DPP10: variants seen among roughly 807,000 people sequenced by gnomAD.
DPP10 encodes the protein dipeptidyl peptidase like 10.
In DPP10, 33 loss-of-function variants were observed where a neutral mutation model predicts 120.9. The observed-to-expected ratio is 0.27, with a 90% CI of 0.21 to 0.37. The LOEUF (loss-of-function observed/expected upper bound fraction) is 0.37, where lower values mean the gene tolerates loss of function less well. DPP10 is among the 10% of genes least tolerant of loss of function. DPP10 has a pLI of 1.00. For missense variants in DPP10, 816 were observed against 942.8 expected (o/e 0.87, Z 1.76); for synonymous variants, 337 against 326.1 (o/e 1.03, Z -0.36).
At chr2:114,873,918 C>A (rs1283741534) in intron 1 of DPP10, among the ~76,000 whole-genome samples, 2 of 152,114 alleles carry the variant, frequency 1.3e-5, no homozygotes, top group African/African-American at 4.8e-5. Flanking sequence ...GAATGGGATA[C>A]AAAACTTGCT....
At chr2:115,205,209 A>AT (rs1283184988) in intron 1 of DPP10, among the ~76,000 whole-genome samples, 1 of 152,066 alleles carries the variant, frequency 6.6e-6, no homozygotes, top group Non-Finnish European at 1.5e-5. Flanking sequence ...TTCTTCTATA[A>AT]TTTTTGTAGT....
chr2:115,224,748 A>G (rs1248201701), intron 1 of DPP10, among the ~76,000 whole-genome samples: 1 of 152,216 alleles, frequency 6.6e-6, no homozygotes, highest in Non-Finnish European at 1.5e-5. Context: ...TACAAGGTAT[A>G]TTTATTTTTT....
intron 1 of DPP10, among the ~76,000 whole-genome samples, chr2:114,897,864 A>C: frequency 4.6e-5 from 7 of 151,578 alleles, no homozygotes; most frequent in Non-Finnish European, 5.9e-5. Context: ...GCTGGAGAGG[A>C]TGTGGAGAAA....
intron 2 of DPP10, among the ~76,000 whole-genome samples, chr2:115,330,618 G>A (rs1317800845): frequency 6.6e-6 from 1 of 151,996 alleles, no homozygotes; most frequent in Non-Finnish European, 1.5e-5. Flanking sequence ...TGTATAAGGT[G>A]TAAGGAAGGG....
chr2:115,420,878 G>A (rs1175376685), intron 3 of DPP10, among the ~76,000 whole-genome samples: 1 of 152,112 alleles, frequency 6.6e-6, no homozygotes, highest in Non-Finnish European at 1.5e-5. Flanking sequence ...CAGATACTCA[G>A]AAAAATATCC....
At chr2:115,270,499 A>G (rs894197121) in intron 1 of DPP10, among the ~76,000 whole-genome samples, 1 of 152,136 alleles carries the variant, frequency 6.6e-6, no homozygotes, top group Non-Finnish European at 1.5e-5. Flanking sequence ...GACAACACAC[A>G]TGAAGAGGGG....
intron 21 of DPP10, among the ~76,000 whole-genome samples, chr2:115,816,258 A>G (rs1046819827): frequency 6.6e-5 from 10 of 152,228 alleles, no homozygotes; most frequent in Admixed American, 1.3e-4. Context: ...AAACTGATAC[A>G]TAAAAGCTAA....
intron 1 of DPP10, among the ~76,000 whole-genome samples, chr2:114,990,032 G>A (rs1007757454): frequency 2.6e-5 from 4 of 152,112 alleles, no homozygotes; most frequent in Non-Finnish European, 5.9e-5. Context: ...CCTGATATTT[G>A]TTTCCTTGTA....
intron 1 of DPP10, among the ~76,000 whole-genome samples, chr2:114,763,369 T>A (rs554798054): frequency 5.3e-5 from 8 of 152,328 alleles, no homozygotes; most frequent in African/African-American, 1.9e-4. Flanking sequence ...CTTATGGCCT[T>A]CAGCGGGCGC....
intron 3 of DPP10, among the ~76,000 whole-genome samples, chr2:115,399,457 A>C (rs998619946): frequency 1.3e-5 from 2 of 152,148 alleles, no homozygotes; most frequent in Non-Finnish European, 2.9e-5. Flanking sequence ...ATTTCAAAAT[A>C]TTCTCTGCTT....
At chr2:115,327,702 A>C (rs965790002) in intron 2 of DPP10, among the ~76,000 whole-genome samples, 2 of 152,082 alleles carry the variant, frequency 1.3e-5, no homozygotes, top group African/African-American at 4.8e-5. Flanking sequence ...TGAGATAACC[A>C]TCATATTTCG....
At chr2:114,699,161 T>C (rs1700239656) in intron 1 of DPP10, among the ~76,000 whole-genome samples, 1 of 152,134 alleles carries the variant, frequency 6.6e-6, no homozygotes, top group Non-Finnish European at 1.5e-5. Flanking sequence ...CGTTAAGTAA[T>C]TGTCTTGCAG....
chr2:115,105,557 G>A (rs1404656169), intron 1 of DPP10, among the ~76,000 whole-genome samples: 1 of 152,120 alleles, frequency 6.6e-6, no homozygotes, highest in Non-Finnish European at 1.5e-5. Context: ...TCATTCATGA[G>A]GAGTCTGCCC....
chr2:115,781,736 G>T (rs1682783784), intron 16 of DPP10, among the ~76,000 whole-genome samples: 1 of 151,758 alleles, frequency 6.6e-6, no homozygotes, highest in Admixed American at 6.6e-5. Flanking sequence ...AATCAAAAAA[G>T]AAGTCCTTGT....
At chr2:115,392,168 A>C (rs545833629) in intron 3 of DPP10, among the ~76,000 whole-genome samples, 1 of 151,406 alleles carries the variant, frequency 6.6e-6, no homozygotes, top group East Asian at 2.0e-4. Flanking sequence ...AATCAATTCA[A>C]AGTCTCGTAT....
At chr2:115,117,821 G>C (rs945884483) in intron 1 of DPP10, among the ~76,000 whole-genome samples, 32 of 152,130 alleles carry the variant, frequency 2.1e-4, no homozygotes, top group African/African-American at 7.5e-4. Context: ...GGGAGGGGAG[G>C]AAATACTTGG....
rs953889875 is a variant in DPP10 at position 115,165,047 on chromosome 2, A to T, written c.61-144192A>T. Among the ~76,000 whole-genome samples, 4 of 152,376 alleles carry T rather than the reference A, an allele frequency of 2.6e-5. No homozygotes were observed. In the East Asian group the frequency reaches 7.7e-4, roughly 29 times the overall value. ...AACAAATGCCTTGACATGACTAGAC[A>T]CAATCATTTCTTAACATGATCAATA... On this transcript the variant is annotated intron_variant, in intron 1 of 25. Coordinates refer to ENST00000410059, the MANE Select transcript of DPP10 (RefSeq NM_020868.6).
intron 1 of DPP10, among the ~76,000 whole-genome samples, chr2:115,265,233 C>T (rs2059410696): frequency 6.7e-6 from 1 of 149,526 alleles, no homozygotes; most frequent in Non-Finnish European, 1.5e-5. Context: ...ATCGATGTTC[C>T]CAATGTCTTT....
Position 115,207,416 on chromosome 2 carries a change from CA to C in DPP10, c.61-101793del, listed in dbSNP as rs57462947. ...GGTTTTTAAAGAGTGCTTACTGCAC[CA>C]AAAAAAAAAAAAAAAAAAAAAAAAA... On this transcript the variant is annotated intron_variant, in intron 1 of 25. Coordinates refer to ENST00000410059, the MANE Select transcript of DPP10 (RefSeq NM_020868.6). Among the ~76,000 whole-genome samples, 482 of 52,266 alleles carry C rather than the reference CA, an allele frequency of 9.2e-3. 1 individual carries two copies. Among genetic ancestry groups the C allele is most frequent in the South Asian group, 0.02 (24 of 1,216 alleles). The allele number at this position is 52,266 out of a possible 152,430, so 34.3% of individuals were successfully genotyped here.
Sources: gnomAD v4.1 joint callset for allele counts (sites outside exome capture counted in the v4.1 genomes callset) on GRCh38, gnomAD v4.1.1 for gene constraint, MANE v1.5 for transcripts, NCBI Gene and HGNC (gene_info 2026-07-23, HGNC 2026-07-21) for gene names.